Variants in SEMA4D observed in about 807,000 individuals in gnomAD.
The protein encoded by SEMA4D is semaphorin-4D.
Under a neutral mutation model 74.8 loss-of-function variants are expected in SEMA4D, and 22 were observed. The observed-to-expected ratio is 0.29, with a 90% confidence interval of 0.21 to 0.42. The LOEUF is 0.42. Among genes scored for constraint, SEMA4D ranks in the 10% least tolerant of loss-of-function variants. SEMA4D has a pLI of 1.00. For missense variants in SEMA4D, 937 were observed against 1,118.4 expected (o/e 0.84, Z 2.31); for synonymous variants, 445 against 463.7 (o/e 0.96, Z 0.52).
intron 2 of SEMA4D, among the ~76,000 whole-genome samples, chr9:89,447,094 G>A (rs531639078): frequency 4.0e-4 from 61 of 151,802 alleles, no homozygotes; most frequent in Admixed American, 1.0e-3. Flanking sequence ...ACCCTCCCTC[G>A]CCCGCTGCCT....
At chr9:89,393,943 G>T (rs1840376268) in intron 6 of SEMA4D, among the ~76,000 whole-genome samples, 2 of 152,236 alleles carry the variant, frequency 1.3e-5, no homozygotes, top group Admixed American at 1.3e-4. Flanking sequence ...TGGCAACGCT[G>T]ATGGCTCTAG....
At chr9:89,458,005 C>G (rs925561684) in intron 1 of SEMA4D, among the ~76,000 whole-genome samples, 3 of 152,236 alleles carry the variant, frequency 2.0e-5, no homozygotes, top group Non-Finnish European at 2.9e-5. Context: ...TGCACTCCAG[C>G]CTGGTCGATA....
In SEMA4D at chr9:89,379,181, G is replaced by A. The variant is rs1344439917; in HGVS notation, c.2112C>T (p.Thr704=). Residue 704 remains threonine (T), a synonymous_variant, in exon 16 of 16, where the codon ACC becomes ACT. Coordinates refer to ENST00000422704, the MANE Select transcript of SEMA4D (RefSeq NM_001371194.2). The stretch of plus-strand genomic sequence containing the variant: ...CGATCTTTGGTTCGCAGGATGTGCC[G>A]GTGGGCGCAGGCTTGGGAGGAAGGG... ...AITLPPKPAP[T]GTSCEPKIVI... is the part of the protein sequence containing the mutation. 35 of 1,614,070 alleles carry A rather than the reference G, an allele frequency of 2.2e-5. No individual in the cohort carries two copies. Among genetic ancestry groups the A allele is most frequent in the Admixed American group, 1.3e-4 (8 of 60,006 alleles).
At chr9:89,390,942 G>A (rs1317120164) in intron 9 of SEMA4D, among the ~76,000 whole-genome samples, 1 of 152,224 alleles carries the variant, frequency 6.6e-6, no homozygotes, top group African/African-American at 2.4e-5. Context: ...GGTAGATTAA[G>A]AGCCAAATGG....
At position 89,390,047 on chromosome 9, in the gene SEMA4D, T is replaced by A. The variant is rs35891434; in HGVS notation, c.775-1000A>T. On this transcript the variant is annotated intron_variant, in intron 9 of 15. Coordinates refer to ENST00000422704, the MANE Select transcript of SEMA4D (RefSeq NM_001371194.2). ...ATGACAGCAGTGTGCCTAAGACTTG[T>A]AGAAACTTGTCGGGGGTGGAGGTGG... Among the ~76,000 whole-genome samples the A allele has an allele frequency of 3.8e-4, 58 of 151,958 alleles. 1 individual carries two copies. The highest frequency in any genetic ancestry group is 3.3e-3 in the Admixed American group (51 of 15,284).
exon 17 of SEMA4D, chr9:89,363,773 G>GTCT: frequency 6.2e-7 from 1 of 1,613,698 alleles, no homozygotes; most frequent in African/African-American, 1.3e-5. Context: ...CACCTTCGAA[G>GTCT]TCTTGTTCCC....
In SEMA4D at chr9:89,462,716, G is replaced by A. The variant is rs372727208; in HGVS notation, c.-309-6763C>T. 1.5e-3 allele frequency among the ~76,000 whole-genome samples: 227 copies of A among 151,740 alleles called. 1 individual carries two copies. The highest frequency in any genetic ancestry group is 5.1e-3 in the African/African-American group (210 of 41,344). On this transcript the variant is annotated intron_variant, in intron 1 of 15. Coordinates refer to ENST00000422704, the MANE Select transcript of SEMA4D (RefSeq NM_001371194.2). ...TCCCAGTACTTTAGGAGGCCAAGGC[G>A]GAAGGATCACTTGAAGCCAGGAGTT...
chr9:89,372,342 GGGTGT>G (rs1256707081), downstream of SEMA4D, among the ~76,000 whole-genome samples: 3 of 128,040 alleles, frequency 2.3e-5, no homozygotes, highest in Non-Finnish European at 3.4e-5. Flanking sequence ...GTGTGTGGGG[GGGTGT>G]GGTGTGGTGT....
chr9:89,403,532 A>C (rs577389155), intron 3 of SEMA4D, among the ~76,000 whole-genome samples: 1 of 152,236 alleles, frequency 6.6e-6, no homozygotes, highest in Non-Finnish European at 1.5e-5. Context: ...AACGAATGCA[A>C]TTCTCAGTGA....
chr9:89,391,516 G>T, intron 8 of SEMA4D, 101 bp from the exon 9 acceptor site: 1 of 1,155,168 alleles, frequency 8.7e-7, no homozygotes. Flanking sequence ...GGGGCCTGAG[G>T]GCTTCCCTGC....
At position 89,393,614 on chromosome 9, in the gene SEMA4D, G is replaced by A; in HGVS notation, c.456C>T (p.Gly152=). ...CTGGGTCAAAGGGACATCTTCCTTT[G>A]CCATCTTCATTTTTCCCCAGAAACT... ...SFKFLGKNED[G]KGRCPFDPAH... is the part of the protein sequence containing the mutation. Residue 152 remains glycine (G), a synonymous_variant, in exon 7 of 16, where the codon GGC becomes GGT. Transcript: ENST00000422704. 6.2e-7 allele frequency: 1 copy of A among 1,614,150 alleles called. No individual in the cohort carries two copies. Among genetic ancestry groups the A allele is most frequent in the Non-Finnish European group, 8.5e-7 (1 of 1,179,982 alleles).
At chr9:89,411,560 A>ACAAGACAAG (rs1844534268) in intron 2 of SEMA4D, among the ~76,000 whole-genome samples, 1 of 152,238 alleles carries the variant, frequency 6.6e-6, no homozygotes, top group Admixed American at 6.5e-5. Flanking sequence ...GGACAAAGGG[A>ACAAGACAAG]CAAGACAAGC....
chr9:89,418,554 GC>G, intron 2 of SEMA4D: 3 of 326,412 alleles, frequency 9.2e-6, no homozygotes, highest in Non-Finnish European at 1.3e-5. Flanking sequence ...ATAATTACAA[GC>G]ACTAAAGAGC....
At chr9:89,424,516 T>G (rs1158678212) in intron 2 of SEMA4D, among the ~76,000 whole-genome samples, 9 of 152,178 alleles carry the variant, frequency 5.9e-5, no homozygotes, top group African/African-American at 2.2e-4. Flanking sequence ...TCCAAGATGC[T>G]TCCGTCCCGA....
At chr9:89,459,702 G>A (rs1459865390) in intron 1 of SEMA4D, among the ~76,000 whole-genome samples, 1 of 152,118 alleles carries the variant, frequency 6.6e-6, no homozygotes, top group Non-Finnish European at 1.5e-5. Context: ...CCTGTGTGTG[G>A]CAGGCACCTT....
intron 16 of SEMA4D, among the ~76,000 whole-genome samples, chr9:89,366,527 AAACTT>A (rs1248352128): frequency 2.0e-5 from 3 of 152,376 alleles, no homozygotes; most frequent in South Asian, 2.1e-4. Context: ...AAAAAAAACA[AAACTT>A]AACACTCTAT....
intron 1 of SEMA4D, among the ~76,000 whole-genome samples, chr9:89,480,317 C>G (rs1012288014): frequency 6.6e-6 from 1 of 152,268 alleles, no homozygotes; most frequent in African/African-American, 2.4e-5. Flanking sequence ...TAAAGACTCT[C>G]CACGTCCCCA....
At chr9:89,364,765 G>GGA (rs1322849975) in intron 16 of SEMA4D, 1 of 152,424 alleles carries the variant, frequency 6.6e-6, no homozygotes, top group Non-Finnish European at 1.5e-5. Context: ...CTTGTCTGAT[G>GGA]GAGAGATCAG....
At chr9:89,474,296 T>C (rs1861211342) in intron 1 of SEMA4D, among the ~76,000 whole-genome samples, 1 of 152,246 alleles carries the variant, frequency 6.6e-6, no homozygotes, top group African/African-American at 2.4e-5. Context: ...TTAGCCATAA[T>C]TAACCTTCGC....
Sources: allele counts gnomAD v4.1 joint callset (sites outside exome capture counted in the v4.1 genomes callset), GRCh38; gene constraint gnomAD v4.1.1; transcripts MANE v1.5; gene names NCBI Gene and HGNC (gene_info 2026-07-23, HGNC 2026-07-21).